Variants in FTO observed in about 807,000 individuals in gnomAD.
The protein encoded by FTO is alpha-ketoglutarate-dependent dioxygenase FTO.
FTO carries 47 observed loss-of-function variants against 63.9 expected under a neutral mutation model. The ratio of observed to expected loss-of-function variants is 0.74; its 90% CI spans 0.58 to 0.94. The LOEUF is 0.94. Among genes scored for constraint, FTO ranks in the 40% least tolerant of loss-of-function variants. FTO has a pLI of 0.00. For missense variants in FTO, 562 were observed against 618.1 expected (o/e 0.91, Z 0.96); for synonymous variants, 207 against 224.4 (o/e 0.92, Z 0.69).
intron 4 of FTO, among the ~76,000 whole-genome samples, chr16:53,856,255 T>G (rs1403434401): frequency 6.6e-6 from 1 of 152,140 alleles, no homozygotes; most frequent in Non-Finnish European, 1.5e-5. Flanking sequence ...TGAGTTTGAC[T>G]TTCCTCATCT....
intron 8 of FTO, among the ~76,000 whole-genome samples, chr16:53,990,354 G>A (rs4784337): frequency 0.13 from 19,509 of 152,196 alleles, 1,517 homozygotes; most frequent in Admixed American, 0.26. Flanking sequence ...TAAAATTTGA[G>A]TAGGTAGAGT....
At chr16:53,895,438 T>G (rs1007721766) in intron 7 of FTO, among the ~76,000 whole-genome samples, 2 of 152,162 alleles carry the variant, frequency 1.3e-5, no homozygotes, top group African/African-American at 2.4e-5. Context: ...TGCAACTGGA[T>G]AAGGAAAATT....
chr16:54,045,206 C>T (rs2085152263), intron 8 of FTO, among the ~76,000 whole-genome samples: 1 of 24,680 alleles, frequency 4.1e-5, no homozygotes, highest in Non-Finnish European at 5.9e-5. Flanking sequence ...ATTGATAGAC[C>T]GCTAGCAAGA....
chr16:54,068,174 C>T (rs776950313), intron 8 of FTO, among the ~76,000 whole-genome samples: 5 of 152,230 alleles, frequency 3.3e-5, no homozygotes, highest in Non-Finnish European at 7.3e-5. Context: ...TCTGGGCTAA[C>T]AAGAACAGGT....
intron 1 of FTO, among the ~76,000 whole-genome samples, chr16:53,743,420 C>T (rs1288160033): frequency 6.6e-6 from 1 of 151,678 alleles, no homozygotes; most frequent in Non-Finnish European, 1.5e-5. Context: ...ATTGCAGTTA[C>T]CTTTTCATCC....
At chr16:53,954,568 G>A (rs2143561214) in intron 8 of FTO, among the ~76,000 whole-genome samples, 1 of 152,286 alleles carries the variant, frequency 6.6e-6, no homozygotes, top group East Asian at 1.9e-4. Context: ...AAACTTAGGT[G>A]CAGAACTCTG....
chr16:53,820,963 A>C (rs1333996054), intron 2 of FTO, among the ~76,000 whole-genome samples: 1 of 151,994 alleles, frequency 6.6e-6, no homozygotes, highest in Non-Finnish European at 1.5e-5. Context: ...AAAAAATGGA[A>C]TATTTTCCCA....
intron 7 of FTO, among the ~76,000 whole-genome samples, chr16:53,907,202 G>A (rs2081560913): frequency 6.6e-6 from 1 of 152,144 alleles, no homozygotes; most frequent in Admixed American, 6.5e-5. Flanking sequence ...TTGTTAAGTT[G>A]AAATTGCATT....
chr16:53,751,448 A>C (rs1425872403), intron 1 of FTO, among the ~76,000 whole-genome samples: 2 of 151,812 alleles, frequency 1.3e-5, no homozygotes, highest in East Asian at 1.9e-4. Flanking sequence ...ACAGAGCGAG[A>C]CTCCATCTCA....
chr16:53,746,400 G>A (rs184032767), intron 1 of FTO, among the ~76,000 whole-genome samples: 3 of 152,286 alleles, frequency 2.0e-5, no homozygotes, highest in Admixed American at 6.5e-5. Context: ...GCAAGACAAA[G>A]ACCTTTGTTG....
At chr16:53,834,412 T>TAGGAA (rs780031962) in intron 3 of FTO, among the ~76,000 whole-genome samples, 4 of 152,208 alleles carry the variant, frequency 2.6e-5, no homozygotes, top group Non-Finnish European at 5.9e-5. Context: ...ATGAGGCACT[T>TAGGAA]AAATTCTATA....
intron 1 of FTO, among the ~76,000 whole-genome samples, chr16:53,733,736 G>A (rs9925311): frequency 0.051 from 7,805 of 152,220 alleles, 267 homozygotes; most frequent in East Asian, 0.11. Flanking sequence ...ATTTCTAGGT[G>A]TCTCAGAAAA....
At chr16:53,769,912 A>G (rs1348127694) in intron 1 of FTO, among the ~76,000 whole-genome samples, 4 of 152,118 alleles carry the variant, frequency 2.6e-5, no homozygotes, top group Non-Finnish European at 4.4e-5. Context: ...TATTCCAGCC[A>G]GCAAGAAGGG....
intron 1 of FTO, among the ~76,000 whole-genome samples, chr16:53,797,725 T>C (rs2078112158): frequency 6.6e-6 from 1 of 152,102 alleles, no homozygotes; most frequent in Non-Finnish European, 1.5e-5. Context: ...TTATGAAAGT[T>C]CCAGATTGTC....
intron 1 of FTO, among the ~76,000 whole-genome samples, chr16:53,762,250 T>C (rs1375555011): frequency 6.6e-6 from 1 of 152,202 alleles, no homozygotes; most frequent in Non-Finnish European, 1.5e-5. Flanking sequence ...TAGCTACAAT[T>C]GTTCAGAGTA....
intron 8 of FTO, among the ~76,000 whole-genome samples, chr16:54,102,911 G>A (rs1273032360): frequency 6.6e-6 from 1 of 151,770 alleles, no homozygotes; most frequent in Non-Finnish European, 1.5e-5. Context: ...TTGACCCTTT[G>A]AGAGGCCAAG....
At chr16:53,774,920 G>A (rs1410637169) in intron 1 of FTO, among the ~76,000 whole-genome samples, 1 of 152,156 alleles carries the variant, frequency 6.6e-6, no homozygotes, top group African/African-American at 2.4e-5. Context: ...CCAGATTCTG[G>A]AATGTTATTG....
intron 2 of FTO, among the ~76,000 whole-genome samples, chr16:53,819,464 G>A (rs774298145): frequency 2.0e-5 from 3 of 152,032 alleles, no homozygotes; most frequent in African/African-American, 2.4e-5. Flanking sequence ...GAGCCACCAC[G>A]CCCAGGCAGT....
At chr16:54,081,963 T>C (rs17236232) in intron 8 of FTO, among the ~76,000 whole-genome samples, 34,299 of 152,130 alleles carry the variant, frequency 0.23, 4,848 homozygotes, top group Middle Eastern at 0.39. Flanking sequence ...TGCCAGGTCA[T>C]TGGGGACAGA....
Sources: allele counts gnomAD v4.1 joint callset (sites outside exome capture counted in the v4.1 genomes callset), GRCh38; gene constraint gnomAD v4.1.1; transcripts MANE v1.5; gene names NCBI Gene and HGNC (gene_info 2026-07-23, HGNC 2026-07-21).